Variants in NEK9 observed in about 807,000 individuals in gnomAD.
NEK9 encodes the protein NIMA related kinase 9.
Under a neutral mutation model 123.4 loss-of-function variants are expected in NEK9, and 75 were observed. The ratio of observed to expected loss-of-function variants is 0.61; its 90% CI spans 0.50 to 0.74. The LOEUF is 0.74. Among genes scored for constraint, NEK9 ranks in the 30% least tolerant of loss-of-function variants. The pLI is 0.00. For synonymous variants in NEK9, 438 were observed against 458.7 expected, an observed-to-expected ratio of 0.95 and a Z score of 0.58; for missense variants, 952 against 1,214.4, an observed-to-expected ratio of 0.78 and a Z score of 3.21.
At chr14:75,095,307 C>T (rs1009509409) in intron 18 of NEK9, 65 bp downstream of exon 18, 1 of 1,144,598 alleles carries the variant, frequency 8.7e-7, no homozygotes, top group Admixed American at 2.0e-5. Context: ...TTGGAGTCTA[C>T]ATGGAATCTA....
rs1893946210 is a variant in NEK9 at position 75,084,187 on chromosome 14, G to A, written c.*377C>T. 1 of 200,732 alleles carries A rather than the reference G, an allele frequency of 5.0e-6. No homozygotes were observed. Among genetic ancestry groups the A allele is most frequent in the South Asian group, 9.7e-5 (1 of 10,300 alleles). 12.4% of individuals were successfully genotyped at this position (200,732 alleles called of 1,614,324 possible). A position where few individuals can be genotyped will look rare whatever the true frequency, so the allele number is the denominator to read the frequency against. On this transcript the variant is annotated 3_prime_UTR_variant, in exon 22 of 22. Transcript: ENST00000238616. ...GTAATGCCTGGTACTGAATTCCCAA[G>A]GCAGCTTCCAATCAATGGTGAAAAT...
intron 15 of NEK9, 76 bp from the exon 16 acceptor site, chr14:75,101,229 T>A (rs529846879): frequency 6.9e-7 from 1 of 1,442,594 alleles, no homozygotes; most frequent in Admixed American, 2.3e-5. Context: ...CAAGCAGACT[T>A]CATGGATTAG....
At chr14:75,109,997 C>T in intron 9 of NEK9, 120 bp from the exon 10 acceptor site, 1 of 1,030,486 alleles carries the variant, frequency 9.7e-7, no homozygotes, top group Non-Finnish European at 1.4e-6. Flanking sequence ...TATGTTCTTT[C>T]TCGACAACTT....
intron 21 of NEK9, among the ~76,000 whole-genome samples, chr14:75,085,393 C>T (rs1343164806): frequency 6.6e-6 from 1 of 152,224 alleles, no homozygotes; most frequent in East Asian, 1.9e-4. Context: ...GAAACCAGGG[C>T]TCAGAGAAAA....
At position 75,083,002 on chromosome 14, in the gene NEK9, A is replaced by G; in HGVS notation, c.*1562T>C. ...CATCAAACCAAAGAAGATCCCATTG[A>G]ACAGAGTTGCCTGTCCCGAGCAATG... On this transcript the variant is annotated 3_prime_UTR_variant, in exon 22 of 22. Coordinates refer to ENST00000238616, the MANE Select transcript of NEK9 (RefSeq NM_033116.6). 1 of 398,666 alleles carries G rather than the reference A, an allele frequency of 2.5e-6. No individual in the cohort carries two copies. Among genetic ancestry groups the G allele is most frequent in the Non-Finnish European group, 4.4e-6 (1 of 226,066 alleles). The allele number at this position is 398,666 out of a possible 1,614,324, so 24.7% of individuals were successfully genotyped here.
In NEK9 at chr14:75,081,818, A is replaced by G. The variant is rs1416480453; in HGVS notation, c.*2746T>C. ...AGGCCCCCACTGAGACTGAGGAGGTAGGTACAAGAAAGGATCATCCTTCTT... is the reference window on the plus strand; with the variant it reads ...AGGCCCCCACTGAGACTGAGGAGGTGGGTACAAGAAAGGATCATCCTTCTT... On this transcript the variant is annotated 3_prime_UTR_variant, in exon 22 of 22. Transcript: ENST00000238616. This position sits in a 1 kb window ranked among gnomAD's most constrained non-coding sequence, Gnocchi z 4.2. 6.6e-6 allele frequency: 1 copy of G among 152,112 alleles called. No homozygotes were observed. Among genetic ancestry groups the G allele is most frequent in the Non-Finnish European group, 1.5e-5 (1 of 68,010 alleles). 9.4% of individuals were successfully genotyped at this position (152,112 alleles called of 1,614,324 possible). A position where few individuals can be genotyped will look rare whatever the true frequency, so the allele number is the denominator to read the frequency against.
chr14:75,084,527 G>A lies in NEK9; in HGVS notation c.*37C>T. On this transcript the variant is annotated 3_prime_UTR_variant, in exon 22 of 22. Coordinates refer to ENST00000238616, the MANE Select transcript of NEK9 (RefSeq NM_033116.6). ...GGTAAGTGTGCTGTGAAGTTCTTTG[G>A]GTCCCAGTCTCCTGGGGGCTCTACA... 6.2e-7 allele frequency: 1 copy of A among 1,611,942 alleles called. No homozygotes were observed. The highest frequency in any genetic ancestry group is 8.5e-7 in the Non-Finnish European group (1 of 1,178,976).
At chr14:75,094,376 G>A (rs1894314574) in intron 18 of NEK9, among the ~76,000 whole-genome samples, 1 of 152,192 alleles carries the variant, frequency 6.6e-6, no homozygotes, top group Non-Finnish European at 1.5e-5. Flanking sequence ...CTGTAACCTT[G>A]AACTCCTGGC....
intron 19 of NEK9, among the ~76,000 whole-genome samples, chr14:75,090,614 T>C (rs1478872888): frequency 6.6e-6 from 1 of 152,050 alleles, no homozygotes; most frequent in Non-Finnish European, 1.5e-5. Flanking sequence ...CAGGCTGGAT[T>C]GCAGTGGTAC....
intron 6 of NEK9, among the ~76,000 whole-genome samples, chr14:75,115,963 C>T (rs748123470): frequency 2.3e-4 from 35 of 151,676 alleles, no homozygotes; most frequent in Non-Finnish European, 4.1e-4. Flanking sequence ...CATTTTTTTC[C>T]TAGTTAATGA....
intron 18 of NEK9, among the ~76,000 whole-genome samples, chr14:75,094,599 C>T (rs1894321416): frequency 6.6e-6 from 1 of 151,658 alleles, no homozygotes; most frequent in Non-Finnish European, 1.5e-5. Flanking sequence ...AGTTTGAGAC[C>T]AGCCTGGCCA....
chr14:75,114,071 G>T, intron 7 of NEK9, 132 bp downstream of exon 7: 1 of 615,982 alleles, frequency 1.6e-6, no homozygotes, highest in East Asian at 2.8e-5. Flanking sequence ...CCTATTCTGG[G>T]TATAGCCACA....
At chr14:75,117,461 T>C in intron 5 of NEK9, 135 bp from the exon 6 acceptor site, 1 of 950,216 alleles carries the variant, frequency 1.1e-6, no homozygotes, top group Non-Finnish European at 1.5e-6. Flanking sequence ...TCCAAAATGG[T>C]TTTTATGAGA....
intron 8 of NEK9, among the ~76,000 whole-genome samples, chr14:75,112,819 T>A (rs1220755365): frequency 2.0e-5 from 3 of 152,096 alleles, no homozygotes; most frequent in African/African-American, 7.2e-5. Flanking sequence ...AGACTCTGTC[T>A]CAGAAAACAA....
chr14:75,086,922 C>T (rs1407069157), intron 21 of NEK9, 96 bp downstream of exon 21: 1 of 1,298,352 alleles, frequency 7.7e-7, no homozygotes, highest in African/African-American at 1.5e-5. Context: ...AAGTAAGGAC[C>T]TGCAAAGGAA....
Position 75,083,244 on chromosome 14 carries a change from G to A in NEK9, c.*1320C>T, listed in dbSNP as rs1470429074. 2 of 397,290 alleles carry A rather than the reference G, an allele frequency of 5.0e-6. No homozygotes were observed. Among genetic ancestry groups the A allele is most frequent in the Non-Finnish European group, 4.4e-6 (1 of 225,764 alleles). The allele number at this position is 397,290 out of a possible 1,614,324, so 24.6% of individuals were successfully genotyped here. A position where few individuals can be genotyped will look rare whatever the true frequency, so the allele number is the denominator to read the frequency against. On this transcript the variant is annotated 3_prime_UTR_variant, in exon 22 of 22. Transcript: ENST00000238616. ...AAATACCACAGGAACATTTTACAAG[G>A]CTAGGTGGAAATACAAAGCTCACAT...
At position 75,114,318 on chromosome 14, in the gene NEK9, G is replaced by A. The variant is rs778131510; in HGVS notation, c.763-5C>T. On this transcript the variant is annotated splice_region_variant and splice_polypyrimidine_tract_variant and intron_variant, in intron 6 of 21. Coordinates refer to ENST00000238616, the MANE Select transcript of NEK9 (RefSeq NM_033116.6). ...CACACACAGGTTAAGTGGGTTCTATGAGAAAATGATGACTGCATTGTTCCT... is the reference window on the plus strand; with the variant it reads ...CACACACAGGTTAAGTGGGTTCTATAAGAAAATGATGACTGCATTGTTCCT... The A allele has an allele frequency of 1.9e-6, 3 of 1,607,534 alleles. No individual in the cohort carries two copies. The highest frequency in any genetic ancestry group is 2.7e-5 in the African/African-American group (2 of 74,780).
Position 75,106,645 on chromosome 14 carries a change from T to C in NEK9, c.1385A>G (p.Lys462Arg). Residue 462 changes from lysine (K) to arginine (R), a missense_variant, in exon 12 of 22, where the codon AAA becomes AGA. By Grantham distance (26) the Lys-to-Arg change is conservative. Coordinates refer to ENST00000238616, the MANE Select transcript of NEK9 (RefSeq NM_033116.6). ...SDYYGCMGVD[K>R]VAGPEVLEPM... Reference sequence around the variant, plus strand: ...TTCTAGCACTTCAGGGCCAGCAACTTTGTCCACCCCCATGCAGCCATAATA... The same window carrying C: ...TTCTAGCACTTCAGGGCCAGCAACTCTGTCCACCCCCATGCAGCCATAATA... 1 of 1,614,096 alleles carries C rather than the reference T, an allele frequency of 6.2e-7. No individual in the cohort carries two copies. Among genetic ancestry groups the C allele is most frequent in the Non-Finnish European group, 8.5e-7 (1 of 1,180,026 alleles).
At chr14:75,125,694 C>A (rs1895500084) in intron 1 of NEK9, among the ~76,000 whole-genome samples, 2 of 152,176 alleles carry the variant, frequency 1.3e-5, no homozygotes, top group Non-Finnish European at 1.5e-5. Flanking sequence ...AACGTGGCAT[C>A]AGGATAAAAA....
Sources: allele counts gnomAD v4.1 joint callset (sites outside exome capture counted in the v4.1 genomes callset), GRCh38; gene constraint gnomAD v4.1.1; non-coding constraint Gnocchi (gnomAD v3.1); transcripts MANE v1.5; gene names NCBI Gene and HGNC (gene_info 2026-07-23, HGNC 2026-07-21).